UVRAG: variants seen among roughly 807,000 people sequenced by gnomAD.
UVRAG encodes UV radiation resistance associated.
UVRAG carries 19 observed loss-of-function variants against 78.0 expected under a neutral mutation model. That is an observed-to-expected ratio of 0.24 (90% confidence interval 0.17 to 0.36). The LOEUF (loss-of-function observed/expected upper bound fraction) is 0.36, where lower values mean the gene tolerates loss of function less well. UVRAG is among the 10% of genes least tolerant of loss of function. The pLI, the probability that UVRAG is intolerant of heterozygous loss-of-function variation, is 1.00. For synonymous variants in UVRAG, 323 were observed against 324.6 expected, an observed-to-expected ratio of 1.00 and a Z score of 0.05; for missense variants, 740 against 853.8, an observed-to-expected ratio of 0.87 and a Z score of 1.66.
intron 2 of UVRAG, among the ~76,000 whole-genome samples, chr11:75,857,419 T>A (rs1312648116): frequency 6.6e-6 from 1 of 152,224 alleles, no homozygotes; most frequent in Non-Finnish European, 1.5e-5. Flanking sequence ...ATTTGCCATT[T>A]GACTTGGATA....
chr11:75,824,246 G>A (rs530823469), intron 1 of UVRAG, among the ~76,000 whole-genome samples: 3 of 152,092 alleles, frequency 2.0e-5, no homozygotes, highest in Admixed American at 6.5e-5. Context: ...GCAATTTTTT[G>A]TGCTGGTTTG....
At chr11:76,077,116 G>C (rs1951417782) in intron 13 of UVRAG, among the ~76,000 whole-genome samples, 1 of 148,200 alleles carries the variant, frequency 6.7e-6, no homozygotes, top group African/African-American at 2.5e-5. Flanking sequence ...ACTCATTTCT[G>C]TTTAATGTAT....
chr11:76,028,908 G>A (rs772262741), intron 12 of UVRAG, among the ~76,000 whole-genome samples: 2 of 152,126 alleles, frequency 1.3e-5, no homozygotes, highest in East Asian at 3.8e-4. Flanking sequence ...AGATTTTCAA[G>A]GTAGACAAAA....
chr11:75,995,370 T>C (rs888378431), intron 8 of UVRAG, among the ~76,000 whole-genome samples: 1 of 151,986 alleles, frequency 6.6e-6, no homozygotes, highest in Non-Finnish European at 1.5e-5. Flanking sequence ...AGGTCAGATA[T>C]GTCAGATTTC....
intron 13 of UVRAG, among the ~76,000 whole-genome samples, chr11:76,088,891 A>G (rs1295014230): frequency 6.6e-6 from 1 of 152,134 alleles, no homozygotes; most frequent in African/African-American, 2.4e-5. Context: ...TTCTGTTGTT[A>G]TTTTGCATGT....
Position 75,972,480 on chromosome 11 carries a change from C to T in UVRAG, c.700-10907C>T, listed in dbSNP as rs530119290. ...CTTTCCTTTCTTTTTTTGCATGTGG[C>T]GGTCCAGTGGTTTCATCATTTGGTG... On this transcript the variant is annotated intron_variant, in intron 7 of 14. Transcript: ENST00000356136. Among the ~76,000 whole-genome samples the T allele has an allele frequency of 3.2e-4, 49 of 152,172 alleles. 1 individual carries two copies. The highest frequency in any genetic ancestry group is 9.2e-4 in the African/African-American group (38 of 41,528).
intron 13 of UVRAG, among the ~76,000 whole-genome samples, chr11:76,099,281 T>G (rs1782660259): frequency 1.3e-5 from 2 of 152,220 alleles, no homozygotes; most frequent in African/African-American, 4.8e-5. Flanking sequence ...ACAGTCGTCT[T>G]GTAGGTCTTG....
chr11:76,113,642 T>C (rs1216907143), intron 13 of UVRAG, among the ~76,000 whole-genome samples: 1 of 152,140 alleles, frequency 6.6e-6, no homozygotes, highest in African/African-American at 2.4e-5. Context: ...TTGAGTTCCC[T>C]ATGTGGAAAA....
chr11:76,136,589 A>C (rs781268910), intron 14 of UVRAG, among the ~76,000 whole-genome samples: 23 of 150,990 alleles, frequency 1.5e-4, no homozygotes, highest in Non-Finnish European at 3.1e-4. Context: ...GCTCACTGCA[A>C]CCCAGGCTCA....
intron 1 of UVRAG, among the ~76,000 whole-genome samples, chr11:75,848,115 T>A (rs1227114837): frequency 6.6e-6 from 1 of 151,854 alleles, no homozygotes; most frequent in Non-Finnish European, 1.5e-5. Context: ...GGAGGATTGC[T>A]TGAGCCTGGG....
chr11:75,941,624 T>G (rs1948486100), intron 6 of UVRAG, among the ~76,000 whole-genome samples: 1 of 152,190 alleles, frequency 6.6e-6, no homozygotes, highest in Admixed American at 6.6e-5. Flanking sequence ...TTTTGGATTT[T>G]CAGGCTAGGG....
At chr11:75,964,917 A>G (rs1418269352) in intron 7 of UVRAG, among the ~76,000 whole-genome samples, 1 of 152,194 alleles carries the variant, frequency 6.6e-6, no homozygotes, top group East Asian at 1.9e-4. Flanking sequence ...TTGATCATGT[A>G]TATGTGCATC....
chr11:76,030,422 T>C (rs1950414779), intron 12 of UVRAG, among the ~76,000 whole-genome samples: 1 of 152,174 alleles, frequency 6.6e-6, no homozygotes, highest in Non-Finnish European at 1.5e-5. Flanking sequence ...GAGTTAACTG[T>C]CTACAGTCTG....
chr11:76,089,302 C>T (rs1951652192), intron 13 of UVRAG, among the ~76,000 whole-genome samples: 1 of 152,118 alleles, frequency 6.6e-6, no homozygotes, highest in Non-Finnish European at 1.5e-5. Flanking sequence ...GACTTTTTCT[C>T]TTCTAGTCAG....
At chr11:76,006,603 A>G (rs564026794) in intron 9 of UVRAG, among the ~76,000 whole-genome samples, 12 of 134,176 alleles carry the variant, frequency 8.9e-5, no homozygotes, top group Admixed American at 2.6e-4. Flanking sequence ...CGAGGCTGCA[A>G]TGAGCCAAGA....
chr11:75,848,799 C>T (rs1389005519), intron 1 of UVRAG, among the ~76,000 whole-genome samples: 2 of 152,058 alleles, frequency 1.3e-5, no homozygotes, highest in East Asian at 1.9e-4. Context: ...GGATGTAATC[C>T]TTGGCTTTCT....
intron 3 of UVRAG, among the ~76,000 whole-genome samples, chr11:75,864,092 A>G (rs567126636): frequency 6.1e-5 from 9 of 147,122 alleles, no homozygotes; most frequent in Admixed American, 1.4e-4. Flanking sequence ...GGGTCTCTCT[A>G]TCACCCAGGC....
intron 13 of UVRAG, among the ~76,000 whole-genome samples, chr11:76,078,253 A>G (rs1432332619): frequency 1.3e-5 from 2 of 152,198 alleles, no homozygotes; most frequent in Non-Finnish European, 2.9e-5. Context: ...CAAAGTCTCT[A>G]GATTTTAGGG....
At position 76,141,154 on chromosome 11, in the gene UVRAG, C is replaced by T. The variant is rs770687341; in HGVS notation, c.1841C>T (p.Pro614Leu). 2 of 1,614,172 alleles carry T rather than the reference C, an allele frequency of 1.2e-6. No homozygotes were observed. The highest frequency in any genetic ancestry group is 3.3e-5 in the Admixed American group (2 of 60,022). Residue 614 changes from proline (P) to leucine (L), a missense_variant, in exon 15 of 15, where the codon CCA (proline) becomes CTA (leucine). By Grantham distance (98) the Pro-to-Leu change is moderately conservative (BLOSUM62 -3). Coordinates refer to ENST00000356136, the MANE Select transcript of UVRAG (RefSeq NM_003369.4). Reference protein sequence around the residue: ...EQAGSASVQLPGEFHPVSEAE... With the variant: ...EQAGSASVQLLGEFHPVSEAE... ...GCCGGGTCCGCCAGTGTCCAGCTTCCAGGCGAGTTCCACCCAGTCTCAGAA... is the reference window on the plus strand; with the variant it reads ...GCCGGGTCCGCCAGTGTCCAGCTTCTAGGCGAGTTCCACCCAGTCTCAGAA...
Sources: allele counts gnomAD v4.1 joint callset (sites outside exome capture counted in the v4.1 genomes callset), GRCh38; gene constraint gnomAD v4.1.1; transcripts MANE v1.5; gene names NCBI Gene and HGNC (gene_info 2026-07-23, HGNC 2026-07-21).